HS6ST3: variants seen among roughly 807,000 people sequenced by gnomAD.
HS6ST3 encodes the protein heparan sulfate 6-O-sulfotransferase 3.
HS6ST3 carries 12 observed loss-of-function variants against 36.7 expected under a neutral mutation model. The observed-to-expected ratio is 0.33, with a 90% CI of 0.21 to 0.53. The LOEUF is 0.53. Ranked by LOEUF, HS6ST3 falls within the 20% of genes least tolerant of loss-of-function variation. The pLI is 0.95. For missense variants in HS6ST3, 584 were observed against 640.9 expected (o/e 0.91, Z 0.96); for synonymous variants, 240 against 257.5 (o/e 0.93, Z 0.65).
In HS6ST3 at chr13:96,417,550, A is replaced by G. The variant is rs139207639; in HGVS notation, c.707+325981A>G. ...ATATCTGTTTGGTTTACCATTATCT[A>G]TAGAGGGCCCAGCATGGTGAAAAAA... On this transcript the variant is annotated intron_variant, in intron 1 of 1. Transcript: ENST00000376705. Among the ~76,000 whole-genome samples the G allele has an allele frequency of 8.1e-3, 1,220 of 151,536 alleles. 18 individuals are homozygous for G. The highest frequency in any genetic ancestry group is 0.027 in the African/African-American group (1,131 of 41,308).
At chr13:96,771,039 G>A (rs1877250709) in intron 1 of HS6ST3, among the ~76,000 whole-genome samples, 1 of 152,080 alleles carries the variant, frequency 6.6e-6, no homozygotes, top group African/African-American at 2.4e-5. Flanking sequence ...CTTTGCTATT[G>A]TGAGTAGTGC....
chr13:96,479,180 A>G (rs574187250), intron 1 of HS6ST3, among the ~76,000 whole-genome samples: 1 of 152,198 alleles, frequency 6.6e-6, no homozygotes, highest in Non-Finnish European at 1.5e-5. Flanking sequence ...CAGCCTTAAG[A>G]AGTCAGGAAA....
intron 1 of HS6ST3, among the ~76,000 whole-genome samples, chr13:96,455,397 T>C (rs192631069): frequency 3.3e-5 from 5 of 152,262 alleles, no homozygotes; most frequent in Admixed American, 1.3e-4. Flanking sequence ...ATTTTTTTTT[T>C]TTCTATTTTT....
chr13:96,802,335 T>C (rs540933538), intron 1 of HS6ST3, among the ~76,000 whole-genome samples: 84 of 152,298 alleles, frequency 5.5e-4, no homozygotes, highest in African/African-American at 2.0e-3. Context: ...GTCTACTCCA[T>C]CTCTCAAGGA....
intron 1 of HS6ST3, among the ~76,000 whole-genome samples, chr13:96,171,860 G>A (rs915315811): frequency 6.7e-6 from 1 of 150,114 alleles, no homozygotes; most frequent in African/African-American, 2.4e-5. Flanking sequence ...ATGGTTTCTT[G>A]TTGAGCCCTG....
At chr13:96,687,165 A>C (rs1307885420) in intron 1 of HS6ST3, among the ~76,000 whole-genome samples, 1 of 151,982 alleles carries the variant, frequency 6.6e-6, no homozygotes, top group East Asian at 1.9e-4. Context: ...AATATACAAA[A>C]TAATTCTGTT....
At chr13:96,528,780 C>T (rs755620418) in intron 1 of HS6ST3, among the ~76,000 whole-genome samples, 15 of 152,078 alleles carry the variant, frequency 9.9e-5, no homozygotes, top group Non-Finnish European at 1.9e-4. Context: ...CCTGACTTTT[C>T]GAACATATTT....
At chr13:96,531,197 T>A (rs542256672) in intron 1 of HS6ST3, among the ~76,000 whole-genome samples, 27 of 152,282 alleles carry the variant, frequency 1.8e-4, no homozygotes, top group African/African-American at 6.0e-4. Context: ...TGTAATAAAG[T>A]AAAAGTTCGG....
At chr13:96,656,175 T>A (rs564606014) in intron 1 of HS6ST3, among the ~76,000 whole-genome samples, 1 of 152,276 alleles carries the variant, frequency 6.6e-6, no homozygotes, top group Non-Finnish European at 1.5e-5. Flanking sequence ...GTGGTATTTG[T>A]AAAATGCAAG....
At chr13:96,633,639 T>C (rs1056090040) in intron 1 of HS6ST3, among the ~76,000 whole-genome samples, 5 of 152,188 alleles carry the variant, frequency 3.3e-5, no homozygotes, top group African/African-American at 9.6e-5. Flanking sequence ...AATATTCTTG[T>C]TGGCCACCTG....
At chr13:96,328,790 G>A (rs967084723) in intron 1 of HS6ST3, among the ~76,000 whole-genome samples, 1 of 152,100 alleles carries the variant, frequency 6.6e-6, no homozygotes, top group Non-Finnish European at 1.5e-5. Flanking sequence ...GGTAGAATTC[G>A]GCTATGAATC....
intron 1 of HS6ST3, among the ~76,000 whole-genome samples, chr13:96,197,085 T>C (rs2054318015): frequency 6.6e-6 from 1 of 152,248 alleles, no homozygotes; most frequent in South Asian, 2.1e-4. Context: ...GAAATGTATT[T>C]GATAGTTAGA....
intron 1 of HS6ST3, among the ~76,000 whole-genome samples, chr13:96,610,909 G>C (rs1031306687): frequency 6.6e-6 from 1 of 150,406 alleles, no homozygotes; most frequent in African/African-American, 2.4e-5. Context: ...TTGCTTGAAA[G>C]ATATACTGGC....
rs1302722519 is a variant in HS6ST3 at position 96,112,592 on chromosome 13, T to C, written c.707+21023T>C. 6.3e-3 allele frequency among the ~76,000 whole-genome samples: 386 copies of C among 61,706 alleles called. 34 individuals carry two copies. Among genetic ancestry groups the C allele is most frequent in the East Asian group, 0.014 (30 of 2,142 alleles). The allele number at this position is 61,706 out of a possible 152,430, so 40.5% of individuals were successfully genotyped here. A position where few individuals can be genotyped will look rare whatever the true frequency, so the allele number is the denominator to read the frequency against. Reference sequence around the variant, plus strand: ...TAAAATAAATAAATATATATATATATATATATATATATATATATATATATA... The same window carrying C: ...TAAAATAAATAAATATATATATATACATATATATATATATATATATATATA... On this transcript the variant is annotated intron_variant, in intron 1 of 1. Transcript: ENST00000376705.
chr13:96,810,483 T>C (rs1209937812), intron 1 of HS6ST3, among the ~76,000 whole-genome samples: 1 of 152,204 alleles, frequency 6.6e-6, no homozygotes, highest in African/African-American at 2.4e-5. Flanking sequence ...GCTTATTCTA[T>C]GATAGACTCT....
intron 1 of HS6ST3, among the ~76,000 whole-genome samples, chr13:96,642,261 A>T (rs535695592): frequency 6.6e-6 from 1 of 151,834 alleles, no homozygotes; most frequent in South Asian, 2.1e-4. Context: ...CTTATTAATG[A>T]CCCTTGTATA....
chr13:96,827,612 A>G (rs577190344), intron 1 of HS6ST3, among the ~76,000 whole-genome samples: 7 of 152,288 alleles, frequency 4.6e-5, no homozygotes, highest in African/African-American at 1.7e-4. Flanking sequence ...GGACATTTCT[A>G]TGTTTTGATG....
chr13:96,629,831 G>T (rs1364862392), intron 1 of HS6ST3, among the ~76,000 whole-genome samples: 1 of 148,574 alleles, frequency 6.7e-6, no homozygotes, highest in Non-Finnish European at 1.5e-5. Context: ...TAAATGCAAT[G>T]TTTTTTTTTT....
At chr13:96,129,149 C>T (rs1274233992) in intron 1 of HS6ST3, among the ~76,000 whole-genome samples, 1 of 152,226 alleles carries the variant, frequency 6.6e-6, no homozygotes, top group Admixed American at 6.5e-5. Context: ...CCATGCCCAG[C>T]TCCCCTTAAG....
Sources: gnomAD v4.1 joint callset for allele counts (sites outside exome capture counted in the v4.1 genomes callset) on GRCh38, gnomAD v4.1.1 for gene constraint, MANE v1.5 for transcripts, NCBI Gene and HGNC (gene_info 2026-07-23, HGNC 2026-07-21) for gene names.